Variants in WNK2 observed in about 807,000 individuals in gnomAD.
WNK2 encodes serine/threonine-protein kinase WNK2.
Under a neutral mutation model 192.1 loss-of-function variants are expected in WNK2, and 67 were observed. That is an observed-to-expected ratio of 0.35 (90% CI 0.29 to 0.43). WNK2 has a LOEUF of 0.43. WNK2 is among the 20% of genes least tolerant of loss of function. WNK2 has a pLI of 1.00. For missense variants in WNK2, 2,698 were observed against 3,089.7 expected (o/e 0.87, Z 3.01); for synonymous variants, 1,439 against 1,393.9 (o/e 1.03, Z -0.72).
chr9:93,263,631 G>T lies in WNK2; in HGVS notation c.3476G>T (p.Gly1159Val), dbSNP rs1162449847. 1 of 1,608,272 alleles carries T rather than the reference G, an allele frequency of 6.2e-7. No individual in the cohort carries two copies. The highest frequency in any genetic ancestry group is 1.1e-5 in the South Asian group (1 of 90,042). Residue 1159 changes from glycine (G) to valine (V), a missense_variant, in exon 15 of 30, where the codon GGG (glycine) becomes GTG (valine). By Grantham distance (109) the Gly-to-Val change is moderately radical. Around this residue, in one of 7 missense-constraint regions of WNK2, gnomAD observed 893 missense variants for 909.0 expected, o/e 0.98. Coordinates refer to ENST00000427277, the MANE Select transcript of WNK2 (RefSeq NM_006648.4). The stretch of plus-strand genomic sequence containing the variant: ...GACAGCTGTGAAGGCGCCTTTGGAG[G>T]GGGCAGGCTGGAGGGCAGGGCAGCC... ...LSDSCEGAFG[G>V]GRLEGRAARK...
At chr9:93,195,797 C>A (rs1831181591) in intron 2 of WNK2, among the ~76,000 whole-genome samples, 1 of 149,384 alleles carries the variant, frequency 6.7e-6, no homozygotes, top group South Asian at 2.1e-4. Flanking sequence ...TGAATAGGAC[C>A]TTCTAGGTCT....
intron 2 of WNK2, among the ~76,000 whole-genome samples, chr9:93,187,743 T>C (rs902115672): frequency 7.9e-5 from 12 of 151,824 alleles, no homozygotes; most frequent in African/African-American, 2.9e-4. Flanking sequence ...TAGGCTGACT[T>C]TGTGCAGAGC....
At chr9:93,281,468 C>T (rs369970310) in intron 19 of WNK2, among the ~76,000 whole-genome samples, 6 of 152,006 alleles carry the variant, frequency 3.9e-5, no homozygotes, top group African/African-American at 1.4e-4. Context: ...GAGAGAGAAT[C>T]GGCAAGCTCT....
intron 2 of WNK2, among the ~76,000 whole-genome samples, chr9:93,223,432 T>C (rs4744197): frequency 0.97 from 147,544 of 152,376 alleles, 71,478 homozygotes; most frequent in African/African-American, 0.99. Context: ...GGAGCTTTTC[T>C]TCGGGGGCAG....
intron 5 of WNK2, among the ~76,000 whole-genome samples, chr9:93,235,723 C>T (rs1839706854): frequency 6.6e-6 from 1 of 152,228 alleles, no homozygotes; most frequent in Admixed American, 6.5e-5. Context: ...ACTGAGGGCC[C>T]AGGCTGCCCT....
At chr9:93,245,029 G>T (rs767075539) in intron 7 of WNK2, among the ~76,000 whole-genome samples, 2 of 77,848 alleles carry the variant, frequency 2.6e-5, no homozygotes, top group Admixed American at 2.8e-4. Flanking sequence ...CCCCTCCCCC[G>T]CCCCACTTAT....
At chr9:93,285,699 A>T (rs1170785764) in intron 19 of WNK2, among the ~76,000 whole-genome samples, 2 of 152,240 alleles carry the variant, frequency 1.3e-5, no homozygotes, top group East Asian at 3.8e-4. Flanking sequence ...CAACACACTG[A>T]TTATATACTC....
At chr9:93,296,828 C>G (rs1446637269) in intron 23 of WNK2, among the ~76,000 whole-genome samples, 2 of 119,602 alleles carry the variant, frequency 1.7e-5, no homozygotes, top group South Asian at 3.2e-4. Context: ...CCATTCTCCC[C>G]TCATCTTCCT....
Position 93,292,537 on chromosome 9 carries a change from G to T in WNK2, c.5072G>T (p.Arg1691Met). Reference protein sequence around the residue: ...VRPARVEPTDRDGGEAGESSA... With the variant: ...VRPARVEPTDMDGGEAGESSA... ...CCTGCACGTGTGGAGCCCACAGACA[G>T]GGATGGTGGAGAAGCTGGAGAAAGC... is the stretch of plus-strand genomic sequence containing the variant. The change falls in exon 23 of 30, where the codon AGG becomes ATG. Residue 1691 changes from arginine to methionine, a missense_variant. Transcript: ENST00000427277. 1.3e-6 allele frequency: 2 copies of T among 1,577,768 alleles called. No homozygotes were observed. Among genetic ancestry groups the T allele is most frequent in the Non-Finnish European group, 1.7e-6 (2 of 1,159,586 alleles).
At chr9:93,201,919 G>A (rs1175532038) in intron 2 of WNK2, among the ~76,000 whole-genome samples, 2 of 152,200 alleles carry the variant, frequency 1.3e-5, no homozygotes, top group African/African-American at 2.4e-5. Flanking sequence ...TTGTGCCCGC[G>A]CTCCCACTCA....
In WNK2 at chr9:93,293,144, A is replaced by G; in HGVS notation, c.5679A>G (p.Ile1893Met). 11 of 1,560,334 alleles carry G rather than the reference A, an allele frequency of 7.0e-6. No individual in the cohort carries two copies. The highest frequency in any genetic ancestry group is 9.5e-6 in the Non-Finnish European group (11 of 1,155,852). ...ATTCGGAGCTCGAGGATGCTGACAT[A>G]AAGAAGGAGCTGCAGAGTCTGCGGG... Reference protein sequence around the residue: ...DNDSELEDADIKKELQSLREK... With the variant: ...DNDSELEDADMKKELQSLREK... The change falls in exon 23 of 30, where the codon ATA becomes ATG. Residue 1893 changes from isoleucine to methionine, a missense_variant. By Grantham distance (10) the Ile-to-Met change is conservative. This residue lies in a region of WNK2 where 1,098 missense variants were observed against 1,101.0 expected (regional missense o/e 1.00). Coordinates refer to ENST00000427277, the MANE Select transcript of WNK2 (RefSeq NM_006648.4).
rs1835248883 is a variant in WNK2, at chr9:93,213,992, CT to C, written c.682-15700del. Among the ~76,000 whole-genome samples, 4 of 152,280 alleles carry C rather than the reference CT, an allele frequency of 2.6e-5. No individual in the cohort carries two copies. The South Asian group carries it at 8.3e-4, about 32-fold the overall frequency. On this transcript the variant is annotated intron_variant, in intron 2 of 29. Transcript: ENST00000427277. ...TGTTATATAATTTAGCCCTCCCTGTCTTTTATATCCCATATGACATTATTAA... is the reference window on the plus strand; with the variant it reads ...TGTTATATAATTTAGCCCTCCCTGTCTTTATATCCCATATGACATTATTAA...
At chr9:93,202,624 G>A (rs992434510) in intron 2 of WNK2, among the ~76,000 whole-genome samples, 2 of 152,042 alleles carry the variant, frequency 1.3e-5, no homozygotes, top group Non-Finnish European at 2.9e-5. Flanking sequence ...TTCTCTTTGG[G>A]GGAGGGAAAA....
rs764208652 is a variant in WNK2 at position 93,289,592 on chromosome 9, C to T, written c.4838C>T (p.Ser1613Leu). ...ALPPVPKEAV[S>L]GRVQLPQPLV... Reference sequence around the variant, plus strand: ...CCCCCAGTGCCTAAGGAGGCGGTCTCAGGGCGTGTCCAGCTGCCCCAGCCC... The same window carrying T: ...CCCCCAGTGCCTAAGGAGGCGGTCTTAGGGCGTGTCCAGCTGCCCCAGCCC... The change falls in exon 20 of 30, where the codon TCA becomes TTA. Residue 1613 changes from serine to leucine, a missense_variant. Physicochemically the swap from Ser to Leu is moderately radical, Grantham distance 145. Around this residue, in one of 7 missense-constraint regions of WNK2, gnomAD observed 1,098 missense variants for 1,101.0 expected, o/e 1.00. Transcript: ENST00000427277. The T allele has an allele frequency of 3.2e-5, 48 of 1,500,814 alleles. No homozygotes were observed. Among genetic ancestry groups the T allele is most frequent in the Non-Finnish European group, 4.0e-5 (45 of 1,129,186 alleles). 93.0% of individuals were successfully genotyped at this position (1,500,814 alleles called of 1,614,324 possible). A position where few individuals can be genotyped will look rare whatever the true frequency, so the allele number is the denominator to read the frequency against.
Position 93,289,964 on chromosome 9 carries a change from G to GT in WNK2, c.4867-11dup. Reference sequence around the variant, plus strand: ...AGTCTCACGGCTCTTCTCTTTTTGTGTTTCTTTCTCCAGGTGGAGAAGTCA... The same window carrying GT: ...AGTCTCACGGCTCTTCTCTTTTTGTGTTTTCTTTCTCCAGGTGGAGAAGTCA... On this transcript the variant is annotated splice_polypyrimidine_tract_variant and intron_variant, in intron 20 of 29. Transcript: ENST00000427277. The GT allele has an allele frequency of 6.4e-7, 1 of 1,558,032 alleles. No homozygotes were observed.
chr9:93,196,227 C>G (rs1831253738), intron 2 of WNK2, among the ~76,000 whole-genome samples: 1 of 152,090 alleles, frequency 6.6e-6, no homozygotes, highest in South Asian at 2.1e-4. Flanking sequence ...CTGGTATTCA[C>G]TCTCCCCAAT....
At chr9:93,313,843 T>C (rs1410410374) in intron 28 of WNK2, among the ~76,000 whole-genome samples, 2 of 152,128 alleles carry the variant, frequency 1.3e-5, no homozygotes, top group Admixed American at 6.5e-5. Context: ...GTAAGAAATA[T>C]ATGGCTGGCC....
intron 8 of WNK2, among the ~76,000 whole-genome samples, chr9:93,251,034 G>A (rs10761201): frequency 0.32 from 48,861 of 151,796 alleles, 8,033 homozygotes; most frequent in South Asian, 0.52. Flanking sequence ...TTATCTGCCC[G>A]CCTCAGCCTC....
At position 93,232,255 on chromosome 9, in the gene WNK2, G is replaced by A. The variant is rs528396121; in HGVS notation, c.1075+1147G>A. Among the ~76,000 whole-genome samples, 30 of 152,322 alleles carry A rather than the reference G, an allele frequency of 2.0e-4. No homozygotes were observed. In the South Asian group the frequency reaches 5.6e-3, roughly 28 times the overall value. On this transcript the variant is annotated intron_variant, in intron 4 of 29. Transcript: ENST00000427277. ...GAAGTCTGTTCAGAATGTGACATCTGGGGCAAGGTGGCTGCCCGGGGGTGG... is the reference window on the plus strand; with the variant it reads ...GAAGTCTGTTCAGAATGTGACATCTAGGGCAAGGTGGCTGCCCGGGGGTGG...
Sources: allele counts gnomAD v4.1 joint callset (sites outside exome capture counted in the v4.1 genomes callset), GRCh38; gene constraint gnomAD v4.1.1; regional missense constraint gnomAD v4.1.1; transcripts MANE v1.5; gene names NCBI Gene and HGNC (gene_info 2026-07-23, HGNC 2026-07-21).